STPG2: variants seen among roughly 807,000 people sequenced by gnomAD.
STPG2 encodes the protein sperm tail PG-rich repeat containing 2, also known as sperm-tail PG-rich repeat-containing protein 2.
Under a neutral mutation model 54.2 loss-of-function variants are expected in STPG2, and 56 were observed. That is an observed-to-expected ratio of 1.03 (90% CI 0.83 to 1.29). The LOEUF is 1.29. Ranked by LOEUF, STPG2 falls within the 50% of genes most tolerant of loss-of-function variation. STPG2 has a pLI of 0.00. For missense variants in STPG2, 596 were observed against 544.9 expected, an observed-to-expected ratio of 1.09 and a Z score of -0.93; for synonymous variants, 200 against 181.8, an observed-to-expected ratio of 1.10 and a Z score of -0.81.
At chr4:98,035,422 A>G (rs1736741351) in intron 5 of STPG2, among the ~76,000 whole-genome samples, 2 of 152,186 alleles carry the variant, frequency 1.3e-5, no homozygotes, top group Admixed American at 1.3e-4. Flanking sequence ...GCCAGTTAGA[A>G]AGGCGATCAT....
At chr4:97,854,351 A>G (rs1412032752) in intron 8 of STPG2, among the ~76,000 whole-genome samples, 1 of 151,958 alleles carries the variant, frequency 6.6e-6, no homozygotes, top group Non-Finnish European at 1.5e-5. Flanking sequence ...TAATAATAAT[A>G]GTTCCTACCT....
chr4:97,610,830 C>T (rs1733711605), intron 10 of STPG2, among the ~76,000 whole-genome samples: 1 of 149,424 alleles, frequency 6.7e-6, no homozygotes, highest in South Asian at 2.2e-4. Flanking sequence ...CAATAACATG[C>T]CAGTTATAAT....
chr4:98,006,596 A>G (rs1335090038), intron 5 of STPG2, among the ~76,000 whole-genome samples: 1 of 152,020 alleles, frequency 6.6e-6, no homozygotes, highest in Non-Finnish European at 1.5e-5. Flanking sequence ...AGGGGAGAGG[A>G]CTCCACACTC....
intron 9 of STPG2, among the ~76,000 whole-genome samples, chr4:97,826,861 A>C (rs1460959394): frequency 6.6e-6 from 1 of 152,230 alleles, no homozygotes; most frequent in African/African-American, 2.4e-5. Context: ...ATTGTATGCC[A>C]CAGATGTAAC....
At chr4:97,955,460 C>G (rs887284376) in intron 7 of STPG2, among the ~76,000 whole-genome samples, 1 of 152,082 alleles carries the variant, frequency 6.6e-6, no homozygotes, top group African/African-American at 2.4e-5. Flanking sequence ...CGTGATCCAC[C>G]CATCTCGGCC....
chr4:97,918,253 T>C (rs1487554952), intron 8 of STPG2, among the ~76,000 whole-genome samples: 1 of 152,132 alleles, frequency 6.6e-6, no homozygotes, highest in African/African-American at 2.4e-5. Flanking sequence ...TTCATAAAAA[T>C]AGACTTCAAA....
chr4:97,625,000 T>C (rs1198999974), intron 10 of STPG2, among the ~76,000 whole-genome samples: 1 of 152,148 alleles, frequency 6.6e-6, no homozygotes, highest in Non-Finnish European at 1.5e-5. Context: ...GAAAAGGCCA[T>C]GTTTGAATGT....
chr4:97,463,862 C>G (rs149376408), intron 4 of STPG2, among the ~76,000 whole-genome samples: 1 of 152,106 alleles, frequency 6.6e-6, no homozygotes, highest in Non-Finnish European at 1.5e-5. Flanking sequence ...TAGCATTCAT[C>G]GAATGTTCTT....
intron 4 of STPG2, among the ~76,000 whole-genome samples, chr4:97,468,646 G>A (rs1205905285): frequency 6.6e-6 from 1 of 151,914 alleles, no homozygotes; most frequent in Non-Finnish European, 1.5e-5. Context: ...TTCTGGAGGT[G>A]GTCATTGTAA....
chr4:97,695,407 G>A (rs1163933072), intron 10 of STPG2, among the ~76,000 whole-genome samples: 1 of 152,160 alleles, frequency 6.6e-6, no homozygotes, highest in Non-Finnish European at 1.5e-5. Flanking sequence ...GGGAAAAGTT[G>A]AAAGCATTCT....
rs187956521 is a variant in STPG2 at position 97,596,138 on chromosome 4, G to C, written c.1321-37021C>G. ...TGCTATTCTAATTTCAGATGAAACA[G>C]ACTTCAAACTAACAAAGATAAAAAA... On this transcript the variant is annotated intron_variant, in intron 10 of 10. Transcript: ENST00000295268. 8.9e-4 allele frequency among the ~76,000 whole-genome samples: 136 copies of C among 152,158 alleles called. 1 individual carries two copies. The Middle Eastern group carries it at 0.017, about 19-fold the overall frequency.
At chr4:97,556,764 A>C (rs1732087160), downstream of STPG2, among the ~76,000 whole-genome samples, 1 of 152,244 alleles carries the variant, frequency 6.6e-6, no homozygotes, top group Non-Finnish European at 1.5e-5. Flanking sequence ...GAATAAAATT[A>C]AAAGTCTCTC....
intron 5 of STPG2, among the ~76,000 whole-genome samples, chr4:98,074,581 C>T (rs1029181356): frequency 1.3e-5 from 2 of 152,138 alleles, no homozygotes; most frequent in African/African-American, 4.8e-5. Flanking sequence ...ATGTCTCTTG[C>T]AGTCATTTCT....
chr4:97,758,581 A>G (rs1218810416), intron 9 of STPG2, among the ~76,000 whole-genome samples: 1 of 152,082 alleles, frequency 6.6e-6, no homozygotes, highest in Admixed American at 6.6e-5. Flanking sequence ...ATGAAAACCA[A>G]TGGACACAGG....
At chr4:97,877,991 G>A (rs191189714) in intron 8 of STPG2, among the ~76,000 whole-genome samples, 20 of 152,286 alleles carry the variant, frequency 1.3e-4, no homozygotes, top group African/African-American at 4.8e-4. Flanking sequence ...GGGAAAAATT[G>A]GCCAAAACAA....
At chr4:97,443,946 C>T (rs1729154287) in intron 4 of STPG2, among the ~76,000 whole-genome samples, 1 of 151,962 alleles carries the variant, frequency 6.6e-6, no homozygotes, top group Non-Finnish European at 1.5e-5. Flanking sequence ...AAATTGTTGG[C>T]AAGATCAAGA....
chr4:97,888,714 T>C (rs540731964), intron 8 of STPG2, among the ~76,000 whole-genome samples: 1 of 152,242 alleles, frequency 6.6e-6, no homozygotes, highest in South Asian at 2.1e-4. Flanking sequence ...TTATTGTACA[T>C]TGCAATGTGA....
intron 3 of STPG2, among the ~76,000 whole-genome samples, chr4:98,113,707 G>A (rs1025854228): frequency 6.6e-6 from 1 of 151,850 alleles, no homozygotes; most frequent in African/African-American, 2.4e-5. Context: ...ATTACAAGTA[G>A]GGATTCTAAT....
chr4:97,884,117 A>G (rs958944845), intron 8 of STPG2, among the ~76,000 whole-genome samples: 14 of 152,082 alleles, frequency 9.2e-5, no homozygotes, highest in African/African-American at 3.4e-4. Flanking sequence ...AAACCAAACT[A>G]TTATGGGAAG....
Sources: gnomAD v4.1 joint callset for allele counts (sites outside exome capture counted in the v4.1 genomes callset) on GRCh38, gnomAD v4.1.1 for gene constraint, MANE v1.5 for transcripts, NCBI Gene and HGNC (gene_info 2026-07-23, HGNC 2026-07-21) for gene names.